TPP2: variants seen among roughly 807,000 people sequenced by gnomAD.
TPP2 encodes tripeptidyl-peptidase 2.
Under a neutral mutation model 155.9 loss-of-function variants are expected in TPP2, and 34 were observed. The ratio of observed to expected loss-of-function variants is 0.22; its 90% CI spans 0.17 to 0.29. The LOEUF (loss-of-function observed/expected upper bound fraction) is 0.29, where lower values mean the gene tolerates loss of function less well. Among genes scored for constraint, TPP2 ranks in the 10% least tolerant of loss-of-function variants. The pLI is 1.00. For missense variants in TPP2, 1,028 were observed against 1,522.3 expected (o/e 0.68, Z 5.40); for synonymous variants, 510 against 529.4 (o/e 0.96, Z 0.50).
rs766339408 is a variant in TPP2 at position 102,676,422 on chromosome 13, G to A, written c.3699+7G>A. 2.4e-5 allele frequency: 39 copies of A among 1,607,312 alleles called. No individual in the cohort carries two copies. Among genetic ancestry groups the A allele is most frequent in the Admixed American group, 3.4e-5 (2 of 59,690 alleles). On this transcript the variant is annotated splice_region_variant and intron_variant, in intron 29 of 29. Transcript: ENST00000376052. ...CTGGAAAAATTGTATTCAAGTAAGT[G>A]ATATTTAAAATGTCACTGTTAAGCA...
At chr13:102,611,945 GAA>G (rs1242552442) in intron 2 of TPP2, among the ~76,000 whole-genome samples, 1 of 152,152 alleles carries the variant, frequency 6.6e-6, no homozygotes, top group African/African-American at 2.4e-5. Flanking sequence ...GTGAGCTTCT[GAA>G]GTCTCTTTCG....
chr13:102,605,918 T>G (rs1184180166), intron 2 of TPP2, among the ~76,000 whole-genome samples: 2 of 152,030 alleles, frequency 1.3e-5, no homozygotes, highest in Non-Finnish European at 2.9e-5. Flanking sequence ...GAGACAGGGT[T>G]TCACCATTTT....
chr13:102,651,115 A>G (rs934665616), intron 23 of TPP2, among the ~76,000 whole-genome samples: 5 of 152,190 alleles, frequency 3.3e-5, no homozygotes, highest in African/African-American at 1.2e-4. Flanking sequence ...GATCTACTAA[A>G]TTTTTCAATA....
intron 2 of TPP2, among the ~76,000 whole-genome samples, chr13:102,608,488 A>C (rs903218005): frequency 1.3e-5 from 2 of 151,808 alleles, no homozygotes; most frequent in Non-Finnish European, 2.9e-5. Context: ...CCAATTTTTA[A>C]ATTTTTTTCC....
Position 102,630,086 on chromosome 13 carries a change from C to T in TPP2, c.1145-10C>T, listed in dbSNP as rs985498090. 56 of 1,608,830 alleles carry T rather than the reference C, an allele frequency of 3.5e-5. No homozygotes were observed. The highest frequency in any genetic ancestry group is 4.5e-5 in the Non-Finnish European group (53 of 1,177,588). ...GTTTTCTTTTCTTAATGATTAAATC[C>T]ATCCCACAGGTGTTGGTGCTTATGT... is the stretch of plus-strand genomic sequence containing the variant. On this transcript the variant is annotated splice_polypyrimidine_tract_variant and intron_variant, in intron 9 of 29. Coordinates refer to ENST00000376052, the MANE Select transcript of TPP2 (RefSeq NM_001330588.2).
chr13:102,597,015 T>C lies in TPP2; in HGVS notation c.-24T>C, dbSNP rs751847415. ...CGCGCGCAGCCTGGCAGTTTGCCGCTTCCTCGTCCTCCATCCTGCGTCCAT... is the reference window on the plus strand; with the variant it reads ...CGCGCGCAGCCTGGCAGTTTGCCGCCTCCTCGTCCTCCATCCTGCGTCCAT... On this transcript the variant is annotated 5_prime_UTR_variant, in exon 1 of 30. Transcript: ENST00000376052. 2.1e-5 allele frequency: 34 copies of C among 1,607,946 alleles called. No individual in the cohort carries two copies. In the East Asian group the frequency reaches 4.1e-4, roughly 19 times the overall value.
In TPP2 at chr13:102,626,232, A is replaced by C. The variant is rs149600734; in HGVS notation, c.785-780A>C. On this transcript the variant is annotated intron_variant, in intron 6 of 29. Transcript: ENST00000376052. ...GAAATGATAAAATAGTGGCAGTTTC[A>C]GATGGTTCAGCCTTTTTTTCATTTA... Among the ~76,000 whole-genome samples the C allele has an allele frequency of 7.1e-4, 108 of 152,340 alleles. No homozygotes were observed. In the East Asian group the frequency reaches 7.5e-3, roughly 11 times the overall value.
chr13:102,598,836 C>G (rs7334451), intron 1 of TPP2, among the ~76,000 whole-genome samples: 97,837 of 151,836 alleles, frequency 0.64, 32,770 homozygotes, highest in African/African-American at 0.85. Flanking sequence ...ACCCCACAGC[C>G]TTGTTGTGAA....
chr13:102,628,733 C>T (rs893037846), intron 8 of TPP2, among the ~76,000 whole-genome samples: 12 of 152,204 alleles, frequency 7.9e-5, no homozygotes, highest in African/African-American at 2.9e-4. Flanking sequence ...TGAGACATCA[C>T]TTTACGGTCC....
rs775602443 is a variant in TPP2 at position 102,614,076 on chromosome 13, C to T, written c.295-25C>T. On this transcript the variant is annotated intron_variant, in intron 2 of 29. Transcript: ENST00000376052. ...AATTGGAAAGCATTTAGTGAATGAA[C>T]AGGTTACTCTTTTTTTTTCTGTAGA... 4 of 1,597,624 alleles carry T rather than the reference C, an allele frequency of 2.5e-6. No homozygotes were observed. In the African/African-American group the frequency reaches 4.0e-5, roughly 16 times the overall value.
chr13:102,627,352 T>C (rs1251343185), intron 7 of TPP2, among the ~76,000 whole-genome samples, 186 bp downstream of exon 7: 1 of 152,090 alleles, frequency 6.6e-6, no homozygotes, highest in Non-Finnish European at 1.5e-5. Context: ...TATTAGGATT[T>C]GGCCTAACCT....
Position 102,637,194 on chromosome 13 carries a change from A to G in TPP2, c.1791A>G (p.Ile597Met). 2 of 1,610,712 alleles carry G rather than the reference A, an allele frequency of 1.2e-6. No homozygotes were observed. Among genetic ancestry groups the G allele is most frequent in the African/African-American group, 1.3e-5 (1 of 74,908 alleles). Residue 597 changes from isoleucine (I) to methionine (M), a missense_variant, in exon 14 of 30, where the codon ATA becomes ATG. Physicochemically the swap from Ile to Met is conservative, Grantham distance 10 (BLOSUM62 1). Transcript: ENST00000376052. ...TGAATCAATGTAGACACATAAACAT[A>G]CGTGTGGATCCCAGGGGCTTAAGAG... The part of the protein sequence containing the change: ...ELMNQCRHIN[I>M]RVDPRGLREG...
chr13:102,611,208 A>G (rs573652989), intron 2 of TPP2, among the ~76,000 whole-genome samples: 1 of 152,118 alleles, frequency 6.6e-6, no homozygotes, highest in South Asian at 2.1e-4. Context: ...TTCTGCTGTG[A>G]TGTGTGTGTA....
intron 7 of TPP2, among the ~76,000 whole-genome samples, chr13:102,627,499 A>T (rs1881709864): frequency 6.6e-6 from 1 of 152,058 alleles, no homozygotes; most frequent in African/African-American, 2.4e-5. Flanking sequence ...CTCAGCTAAC[A>T]TTCTGTACGT....
chr13:102,657,480 A>G (rs1401819192), intron 25 of TPP2, among the ~76,000 whole-genome samples: 4 of 151,968 alleles, frequency 2.6e-5, no homozygotes, highest in African/African-American at 7.2e-5. Flanking sequence ...AAAAAGAAAA[A>G]TCACTTTTGC....
rs140701964 is a variant in TPP2, at chr13:102,650,497, T to C, written c.2953-862T>C. On this transcript the variant is annotated intron_variant, in intron 23 of 29. Transcript: ENST00000376052. ...TTATACTGTTTATACATACGTACTTTAGTATAATTTGAAGTAAATCAATAG... is the reference window on the plus strand; with the variant it reads ...TTATACTGTTTATACATACGTACTTCAGTATAATTTGAAGTAAATCAATAG... Among the ~76,000 whole-genome samples the C allele has an allele frequency of 2.7e-3, 411 of 152,334 alleles. 3 individuals are homozygous for C. Among genetic ancestry groups the C allele is most frequent in the Non-Finnish European group, 3.5e-3 (240 of 68,010 alleles).
At chr13:102,631,987 G>A (rs778961536) in intron 10 of TPP2, among the ~76,000 whole-genome samples, 4 of 152,044 alleles carry the variant, frequency 2.6e-5, no homozygotes, top group Non-Finnish European at 4.4e-5. Flanking sequence ...AGTGGCTCAC[G>A]CCTGTAATCC....
intron 8 of TPP2, among the ~76,000 whole-genome samples, chr13:102,628,641 AG>A (rs1363211740): frequency 6.6e-6 from 1 of 151,990 alleles, no homozygotes; most frequent in South Asian, 2.1e-4. Context: ...TCTTCATAGT[AG>A]TAGCTATTTG....
At chr13:102,652,007 C>G (rs1467658533) in intron 24 of TPP2, among the ~76,000 whole-genome samples, 2 of 152,172 alleles carry the variant, frequency 1.3e-5, no homozygotes, top group African/African-American at 4.8e-5. Flanking sequence ...TGATCAGCCT[C>G]TCTGCAGCAT....
Sources: allele counts gnomAD v4.1 joint callset (sites outside exome capture counted in the v4.1 genomes callset), GRCh38; gene constraint gnomAD v4.1.1; transcripts MANE v1.5; gene names NCBI Gene and HGNC (gene_info 2026-07-23, HGNC 2026-07-21).